FBXL7: variants seen among roughly 807,000 people sequenced by gnomAD.
FBXL7 encodes the protein F-box/LRR-repeat protein 7.
Under a neutral mutation model 38.3 loss-of-function variants are expected in FBXL7, and 12 were observed. The observed-to-expected ratio is 0.31, with a 90% confidence interval of 0.20 to 0.51. The LOEUF (loss-of-function observed/expected upper bound fraction) is 0.51, where lower values mean the gene tolerates loss of function less well. FBXL7 is among the 20% of genes least tolerant of loss of function. FBXL7 has a pLI of 0.98. For missense variants in FBXL7, 567 were observed against 676.4 expected (o/e 0.84, Z 1.79); for synonymous variants, 297 against 300.9 (o/e 0.99, Z 0.13).
intron 2 of FBXL7, among the ~76,000 whole-genome samples, chr5:15,814,672 C>T (rs868402620): frequency 5.9e-4 from 89 of 151,988 alleles, no homozygotes; most frequent in African/African-American, 2.1e-3. Flanking sequence ...AAAAAATGTT[C>T]CATGATCAGA....
chr5:15,660,966 A>G (rs1742047976), intron 2 of FBXL7, among the ~76,000 whole-genome samples: 2 of 151,998 alleles, frequency 1.3e-5, no homozygotes, highest in African/African-American at 4.8e-5. Context: ...CCTATGACAC[A>G]TTGTGGCTTT....
At chr5:15,755,414 A>G (rs1482770409) in intron 2 of FBXL7, among the ~76,000 whole-genome samples, 1 of 152,006 alleles carries the variant, frequency 6.6e-6, no homozygotes, top group Non-Finnish European at 1.5e-5. Context: ...GCGTGTGTGT[A>G]TATGTGTGTG....
chr5:15,740,285 G>T (rs1423377221), intron 2 of FBXL7, among the ~76,000 whole-genome samples: 1 of 152,124 alleles, frequency 6.6e-6, no homozygotes, highest in Non-Finnish European at 1.5e-5. Flanking sequence ...AAGGAATTTA[G>T]GACTCATTAC....
At chr5:15,686,326 G>C (rs1412370729) in intron 2 of FBXL7, among the ~76,000 whole-genome samples, 2 of 152,142 alleles carry the variant, frequency 1.3e-5, no homozygotes, top group African/African-American at 4.8e-5. Context: ...TGTGTATTTA[G>C]ATTTAGAAAG....
chr5:15,848,408 G>C (rs991610399), intron 2 of FBXL7, among the ~76,000 whole-genome samples: 17 of 152,064 alleles, frequency 1.1e-4, no homozygotes, highest in African/African-American at 3.1e-4. Context: ...TTGAGACGGA[G>C]TCTAGCTCTG....
chr5:15,800,697 A>G (rs73054416), intron 2 of FBXL7, among the ~76,000 whole-genome samples: 6,326 of 152,288 alleles, frequency 0.042, 440 homozygotes, highest in African/African-American at 0.14. Flanking sequence ...AAGTGGACAG[A>G]GGAGACCATA....
chr5:15,634,775 G>A (rs1741129072), intron 2 of FBXL7, among the ~76,000 whole-genome samples: 1 of 152,134 alleles, frequency 6.6e-6, no homozygotes, highest in South Asian at 2.1e-4. Flanking sequence ...TTCTTCTGGA[G>A]GCTGTAGAAG....
chr5:15,746,781 C>T (rs1736026965), intron 2 of FBXL7, among the ~76,000 whole-genome samples: 1 of 151,922 alleles, frequency 6.6e-6, no homozygotes, highest in African/African-American at 2.4e-5. Flanking sequence ...TTTGTTTTTT[C>T]TAATTTGCTG....
chr5:15,867,953 A>C (rs1739786497), intron 2 of FBXL7, among the ~76,000 whole-genome samples: 1 of 151,994 alleles, frequency 6.6e-6, no homozygotes, highest in African/African-American at 2.4e-5. Flanking sequence ...AAAATACAAA[A>C]ATTAGCCGGG....
chr5:15,768,530 CAAA>C (rs368089745), intron 2 of FBXL7, among the ~76,000 whole-genome samples: 1 of 125,112 alleles, frequency 8.0e-6, no homozygotes. Flanking sequence ...GACTCTGTCT[CAAA>C]AAAAAAAAAG....
intron 2 of FBXL7, among the ~76,000 whole-genome samples, chr5:15,785,727 C>T (rs377199725): frequency 3.9e-5 from 6 of 152,192 alleles, no homozygotes; most frequent in African/African-American, 7.2e-5. Context: ...GTTGCATGAA[C>T]GTATCAAAGA....
At chr5:15,902,154 T>C (rs1016449037) in intron 2 of FBXL7, among the ~76,000 whole-genome samples, 3 of 152,168 alleles carry the variant, frequency 2.0e-5, no homozygotes, top group African/African-American at 7.2e-5. Context: ...GGTTTTATAT[T>C]GGTTGTCTTG....
intron 2 of FBXL7, among the ~76,000 whole-genome samples, chr5:15,752,591 G>A (rs1051050072): frequency 1.3e-5 from 2 of 152,098 alleles, no homozygotes; most frequent in Admixed American, 6.5e-5. Context: ...TGAGAATATA[G>A]GATTTCAAAA....
chr5:15,547,350 C>T (rs193111903), intron 1 of FBXL7, among the ~76,000 whole-genome samples: 54 of 152,276 alleles, frequency 3.5e-4, no homozygotes, highest in Non-Finnish European at 2.9e-5. Context: ...TGGGGAGCCA[C>T]GCTTAGCAGC....
At chr5:15,501,888 G>A (rs1419037074) in intron 1 of FBXL7, among the ~76,000 whole-genome samples, 2 of 144,196 alleles carry the variant, frequency 1.4e-5, no homozygotes, top group Admixed American at 6.9e-5. Flanking sequence ...GTGTGTGTGT[G>A]TGTGTATCTA....
At chr5:15,843,079 G>A (rs1157855105) in intron 2 of FBXL7, among the ~76,000 whole-genome samples, 1 of 152,092 alleles carries the variant, frequency 6.6e-6, no homozygotes, top group African/African-American at 2.4e-5. Context: ...ATGTTTTTAG[G>A]TGATTCTCTA....
At chr5:15,552,409 T>C (rs1271603374) in intron 1 of FBXL7, among the ~76,000 whole-genome samples, 1 of 152,206 alleles carries the variant, frequency 6.6e-6, no homozygotes, top group Non-Finnish European at 1.5e-5. Flanking sequence ...TCTCATGTCT[T>C]TCAGGAAGGC....
At chr5:15,675,574 G>A (rs79000620) in intron 2 of FBXL7, among the ~76,000 whole-genome samples, 3,855 of 152,284 alleles carry the variant, frequency 0.025, 91 homozygotes, top group East Asian at 0.053. Context: ...GAAGAAATGC[G>A]CAGCAGGAAA....
At chr5:15,605,377 C>T (rs145758380) in intron 1 of FBXL7, among the ~76,000 whole-genome samples, 34 of 152,244 alleles carry the variant, frequency 2.2e-4, no homozygotes, top group Admixed American at 1.8e-3. Flanking sequence ...ATGGTATACA[C>T]ACAGAGTAGA....
Sources: allele counts gnomAD v4.1 joint callset (sites outside exome capture counted in the v4.1 genomes callset), GRCh38; gene constraint gnomAD v4.1.1; transcripts MANE v1.5; gene names NCBI Gene and HGNC (gene_info 2026-07-23, HGNC 2026-07-21).